Variants in KPNA4 observed in about 807,000 individuals in gnomAD.
KPNA4 encodes importin subunit alpha-3.
In KPNA4, 13 loss-of-function variants were observed where a neutral mutation model predicts 71.3. The observed-to-expected ratio is 0.18, with a 90% confidence interval of 0.12 to 0.29. KPNA4 has a LOEUF of 0.29. Among genes scored for constraint, KPNA4 ranks in the 10% least tolerant of loss-of-function variants. The pLI is 1.00. For missense variants in KPNA4, 334 were observed against 603.2 expected (o/e 0.55, Z 4.67); for synonymous variants, 189 against 195.2 (o/e 0.97, Z 0.26).
At position 160,526,099 on chromosome 3, in the gene KPNA4, G is replaced by T; in HGVS notation, c.565C>A (p.Pro189Thr). The T allele has an allele frequency of 6.6e-7, 1 of 1,521,830 alleles. No homozygotes were observed. Among genetic ancestry groups the T allele is most frequent in the South Asian group, 1.4e-5 (1 of 73,054 alleles). The allele number at this position is 1,521,830 out of a possible 1,614,324, so 94.3% of individuals were successfully genotyped here. Residue 189 changes from proline to threonine, a missense_variant, in exon 9 of 17, where the codon CCC (proline) becomes ACC (threonine). By Grantham distance (38) the Pro-to-Thr change is conservative. Transcript: ENST00000334256. ...WALGNIIGDG[P>T]QCRDYVISLG... ...CTTATGACATAATCTCTACACTGGG[G>T]CCCATCACCTGTAGAAAAAAAGGAT...
At chr3:160,514,419 T>C (rs920539461) in intron 12 of KPNA4, among the ~76,000 whole-genome samples, 1 of 152,138 alleles carries the variant, frequency 6.6e-6, no homozygotes, top group African/African-American at 2.4e-5. Context: ...TTGAAAACAA[T>C]GCTCCCAAAC....
intron 1 of KPNA4, among the ~76,000 whole-genome samples, chr3:160,550,435 A>AT (rs1324406071): frequency 6.6e-6 from 1 of 151,526 alleles, no homozygotes; most frequent in Non-Finnish European, 1.5e-5. Context: ...TTTTTATTTT[A>AT]TTTTTTCTTT....
chr3:160,520,249 G>GT (rs536709400), intron 11 of KPNA4, among the ~76,000 whole-genome samples: 153 of 151,140 alleles, frequency 1.0e-3, no homozygotes, highest in African/African-American at 3.6e-3. Flanking sequence ...ACAAATTATT[G>GT]TTTTTTCTTT....
At chr3:160,517,980 G>A (rs1577050062) in intron 11 of KPNA4, among the ~76,000 whole-genome samples, 2 of 152,206 alleles carry the variant, frequency 1.3e-5, no homozygotes, top group East Asian at 3.9e-4. Flanking sequence ...TGTGAAGCCT[G>A]ACTTATCAAT....
chr3:160,514,305 T>C, intron 12 of KPNA4, 124 bp from the exon 13 acceptor site: 1 of 605,664 alleles, frequency 1.7e-6, no homozygotes, highest in South Asian at 2.2e-5. Context: ...ATAATAAAAA[T>C]CTCAGGAATC....
chr3:160,530,982 A>G, intron 6 of KPNA4, 42 bp from the exon 7 acceptor site: 1 of 1,338,098 alleles, frequency 7.5e-7, no homozygotes. Context: ...AGGGATTTTT[A>G]CATTGGGCCA....
At chr3:160,525,742 G>A in intron 10 of KPNA4, 58 bp downstream of exon 10, 4 of 1,126,658 alleles carry the variant, frequency 3.6e-6, no homozygotes, top group Non-Finnish European at 4.9e-6. Flanking sequence ...TGTCACAGGG[G>A]AAGCCCTAGA....
intron 10 of KPNA4, among the ~76,000 whole-genome samples, chr3:160,524,701 C>T (rs1291306301): frequency 6.6e-6 from 1 of 152,096 alleles, no homozygotes; most frequent in African/African-American, 2.4e-5. Flanking sequence ...AAGAACTTGG[C>T]TATTAAGGAG....
rs754239811 is a variant in KPNA4, at chr3:160,535,901, A to T, written c.115-4T>A. The stretch of plus-strand genomic sequence containing the variant: ...AGAGATGTTCATCTCTTTTATTCTT[A>T]AAAAAAAAAAAAAAAAAAAAAAAAC... On this transcript the variant is annotated splice_region_variant and splice_polypyrimidine_tract_variant and intron_variant, in intron 2 of 16. Coordinates refer to ENST00000334256, the MANE Select transcript of KPNA4 (RefSeq NM_002268.5). 3.9e-5 allele frequency: 14 copies of T among 361,792 alleles called. No homozygotes were observed. Among genetic ancestry groups the T allele is most frequent in the African/African-American group, 1.6e-4 (3 of 18,492 alleles). The allele number at this position is 361,792 out of a possible 1,614,324, so 22.4% of individuals were successfully genotyped here. A position where few individuals can be genotyped will look rare whatever the true frequency, so the allele number is the denominator to read the frequency against.
chr3:160,510,821 G>A (rs1264055085), intron 13 of KPNA4, among the ~76,000 whole-genome samples: 7 of 150,656 alleles, frequency 4.6e-5, no homozygotes, highest in South Asian at 2.1e-4. Context: ...AGAGGACCTC[G>A]CTGTTGCCTA....
At chr3:160,515,662 T>G (rs985057877) in intron 11 of KPNA4, 82 bp from the exon 12 acceptor site, 32 of 1,485,698 alleles carry the variant, frequency 2.2e-5, no homozygotes, top group Non-Finnish European at 2.6e-5. Context: ...TCGCCCAGGG[T>G]AGAGTGCAGT....
In KPNA4 at chr3:160,498,719, A is replaced by C. The variant is rs147134167; in HGVS notation, c.*3385T>G. The C allele has an allele frequency of 1.3e-5, 2 of 152,318 alleles. No homozygotes were observed. The highest frequency in any genetic ancestry group is 4.8e-5 in the African/African-American group (2 of 41,564). 9.4% of individuals were successfully genotyped at this position (152,318 alleles called of 1,614,324 possible). A position where few individuals can be genotyped will look rare whatever the true frequency, so the allele number is the denominator to read the frequency against. On this transcript the variant is annotated 3_prime_UTR_variant, in exon 17 of 17. Transcript: ENST00000334256. The stretch of plus-strand genomic sequence containing the variant: ...AATGGATTTTGCCATATGTGCATAA[A>C]AGAGGACCCCCTAGCTTCAGATAAG...
chr3:160,516,290 C>CCGCCAATACATAA (rs1560046290), intron 11 of KPNA4, among the ~76,000 whole-genome samples: 1 of 152,074 alleles, frequency 6.6e-6, no homozygotes, highest in African/African-American at 2.4e-5. Flanking sequence ...CTGCACCCTG[C>CCGCCAATACATAA]TCCAAGAAAC....
intron 1 of KPNA4, among the ~76,000 whole-genome samples, chr3:160,547,034 T>C (rs1038204927): frequency 2.0e-5 from 3 of 152,222 alleles, no homozygotes; most frequent in East Asian, 3.8e-4. Flanking sequence ...CTGACCATAA[T>C]GGTTCCCTTC....
intron 1 of KPNA4, among the ~76,000 whole-genome samples, chr3:160,538,452 T>C (rs759228832): frequency 5.9e-5 from 9 of 152,082 alleles, no homozygotes; most frequent in Non-Finnish European, 1.3e-4. Context: ...GCTTCAGTTA[T>C]AAGTTAGTGA....
chr3:160,513,652 T>C (rs559040541), intron 13 of KPNA4, among the ~76,000 whole-genome samples: 1 of 152,326 alleles, frequency 6.6e-6, no homozygotes, highest in South Asian at 2.1e-4. Flanking sequence ...ACTTATTTGC[T>C]ATTTGATTTT....
intron 15 of KPNA4, among the ~76,000 whole-genome samples, chr3:160,505,672 A>T (rs978883994): frequency 3.9e-5 from 6 of 152,308 alleles, no homozygotes; most frequent in African/African-American, 1.4e-4. Flanking sequence ...GTCTTTGAAA[A>T]AAGTGAAATT....
rs145617931 is a variant in KPNA4, at chr3:160,503,333, A to G, written c.1468-1131T>C. Among the ~76,000 whole-genome samples the G allele has an allele frequency of 9.2e-5, 14 of 152,318 alleles. 1 individual carries two copies. The highest frequency in any genetic ancestry group is 1.8e-4 in the Non-Finnish European group (12 of 68,026). On this transcript the variant is annotated intron_variant, in intron 16 of 16. Transcript: ENST00000334256. ...AAAGTACAAAACAAAAAATATTCCA[A>G]AATCTGAAACTTTCTGGGCACCAAT... is the stretch of plus-strand genomic sequence containing the variant.
At chr3:160,521,465 A>T in intron 11 of KPNA4, among the ~76,000 whole-genome samples, 1 of 152,186 alleles carries the variant, frequency 6.6e-6, no homozygotes, top group South Asian at 2.1e-4. Context: ...GCTACACATG[A>T]TGGTGTGTGC....
Sources: gnomAD v4.1 joint callset for allele counts (sites outside exome capture counted in the v4.1 genomes callset) on GRCh38, gnomAD v4.1.1 for gene constraint, MANE v1.5 for transcripts, NCBI Gene and HGNC (gene_info 2026-07-23, HGNC 2026-07-21) for gene names.